The following C1GALT1 variants were observed in gnomAD, a reference collection of about 807,000 sequenced individuals.
C1GALT1 encodes the protein core 1 synthase, glycoprotein-N-acetylgalactosamine 3-beta-galactosyltransferase 1, also known as glycoprotein-N-acetylgalactosamine 3-beta-galactosyltransferase 1.
Under a neutral mutation model 31.0 loss-of-function variants are expected in C1GALT1, and 11 were observed. The ratio of observed to expected loss-of-function variants is 0.36; its 90% CI spans 0.22 to 0.59. C1GALT1 has a LOEUF of 0.59. Among genes scored for constraint, C1GALT1 ranks in the 20% least tolerant of loss-of-function variants. The pLI, the probability that C1GALT1 is intolerant of heterozygous loss-of-function variation, is 0.79. For missense variants in C1GALT1, 424 were observed against 425.2 expected (o/e 1.00, Z 0.03); for synonymous variants, 175 against 143.6 (o/e 1.22, Z -1.56).
chr7:7,241,345 A>T (rs1194884744), intron 3 of C1GALT1, among the ~76,000 whole-genome samples: 6 of 151,956 alleles, frequency 3.9e-5, no homozygotes, highest in Non-Finnish European at 8.8e-5. Context: ...TAGGATCTAA[A>T]TCTGGGATTT....
At chr7:7,206,009 T>G (rs1008774507) in intron 1 of C1GALT1, among the ~76,000 whole-genome samples, 1 of 152,240 alleles carries the variant, frequency 6.6e-6, no homozygotes, top group African/African-American at 2.4e-5. Flanking sequence ...GTGTGTATTC[T>G]ATAAGCTATT....
chr7:7,175,270 T>A (rs1332187697), intron 2 of C1GALT1, among the ~76,000 whole-genome samples: 1 of 152,210 alleles, frequency 6.6e-6, no homozygotes, highest in Non-Finnish European at 1.5e-5. Flanking sequence ...TTTGGCAGAT[T>A]TCCTCGAATG....
chr7:7,171,762 CT>C (rs1780456329), intron 2 of C1GALT1, among the ~76,000 whole-genome samples: 1 of 151,600 alleles, frequency 6.6e-6, no homozygotes, highest in African/African-American at 2.4e-5. Flanking sequence ...TAGATATTTT[CT>C]TTGTGGTTAC....
intron 1 of C1GALT1, among the ~76,000 whole-genome samples, chr7:7,210,965 T>C (rs1315117128): frequency 6.6e-6 from 1 of 152,086 alleles, no homozygotes; most frequent in Non-Finnish European, 1.5e-5. Flanking sequence ...CCTACAACAT[T>C]CCCGCCTGTG....
In C1GALT1 at chr7:7,225,782, T is replaced by C. The variant is rs553859253; in HGVS notation, c.-17-8521T>C. On this transcript the variant is annotated intron_variant, in intron 1 of 3. Transcript: ENST00000436587. ...AGAGCCCGTGGACTTTTCAATATCT[T>C]ATTTGCACCTCAAGATTTATAAATA... Among the ~76,000 whole-genome samples the C allele has an allele frequency of 2.0e-4, 30 of 152,314 alleles. No homozygotes were observed. The South Asian group carries it at 5.8e-3, about 29-fold the overall frequency.
intron 3 of C1GALT1, among the ~76,000 whole-genome samples, chr7:7,241,903 G>A (rs1181318745): frequency 6.6e-6 from 1 of 151,820 alleles, no homozygotes; most frequent in Non-Finnish European, 1.5e-5. Flanking sequence ...AAATAAATAA[G>A]AGCAATATAA....
In C1GALT1 at chr7:7,234,437, A is replaced by C. The variant is rs1161294906; in HGVS notation, c.118A>C (p.Asn40His). The change falls in exon 2 of 4, where the codon AAT becomes CAT. Residue 40 changes from asparagine to histidine, a missense_variant. By Grantham distance (68) the Asn-to-His change is moderately conservative. Coordinates refer to ENST00000436587, the MANE Select transcript of C1GALT1 (RefSeq NM_020156.5). ...LLGEKVDTQPNVLHNDPHARH... is the reference protein window; with the variant it reads ...LLGEKVDTQPHVLHNDPHARH... Reference sequence around the variant, plus strand: ...GGGAGAAAAGGTTGACACCCAGCCTAATGTTCTTCATAATGATCCTCATGC... The same window carrying C: ...GGGAGAAAAGGTTGACACCCAGCCTCATGTTCTTCATAATGATCCTCATGC... The C allele has an allele frequency of 3.7e-6, 6 of 1,613,820 alleles. No individual in the cohort carries two copies. The highest frequency in any genetic ancestry group is 3.4e-6 in the Non-Finnish European group (4 of 1,179,870).
At chr7:7,168,300 G>A (rs972723349) in intron 2 of C1GALT1, among the ~76,000 whole-genome samples, 4 of 152,202 alleles carry the variant, frequency 2.6e-5, no homozygotes, top group Admixed American at 2.6e-4. Flanking sequence ...TAGAGCAGGA[G>A]GAGACAACAC....
intron 1 of C1GALT1, among the ~76,000 whole-genome samples, chr7:7,188,750 C>T (rs1015346659): frequency 2.0e-5 from 3 of 147,852 alleles, no homozygotes; most frequent in East Asian, 4.2e-4. Context: ...TATTTCGGTA[C>T]ATTGTCTTAA....
intron 1 of C1GALT1, among the ~76,000 whole-genome samples, chr7:7,192,501 G>A (rs111442623): frequency 0.033 from 5,010 of 151,890 alleles, 188 homozygotes; most frequent in African/African-American, 0.091. Context: ...GTAGTATTCC[G>A]TGGTGTGTGT....
chr7:7,188,262 C>G (rs540990936), intron 1 of C1GALT1, among the ~76,000 whole-genome samples: 1 of 152,132 alleles, frequency 6.6e-6, no homozygotes, highest in Admixed American at 6.5e-5. Context: ...AAATAGGAAC[C>G]CATTGGTGAA....
intron 1 of C1GALT1, among the ~76,000 whole-genome samples, chr7:7,219,645 G>C (rs116389817): frequency 0.04 from 6,026 of 152,184 alleles, 217 homozygotes; most frequent in African/African-American, 0.11. Context: ...ATTACTTTTT[G>C]AGAGCTGCTC....
In C1GALT1 at chr7:7,240,360, G is replaced by T. The variant is rs530414753; in HGVS notation, c.888+1438G>T. 2.0e-5 allele frequency among the ~76,000 whole-genome samples: 3 copies of T among 152,282 alleles called. No individual in the cohort carries two copies. The South Asian group carries it at 6.2e-4, about 32-fold the overall frequency. ...TCAGAGACCCTGGCCTAGAACATCT[G>T]ACCCAAGCTTTAGGTAATCAGCTTT... On this transcript the variant is annotated intron_variant, in intron 3 of 3. Coordinates refer to ENST00000436587, the MANE Select transcript of C1GALT1 (RefSeq NM_020156.5).
At chr7:7,200,552 G>T (rs900162807) in intron 1 of C1GALT1, among the ~76,000 whole-genome samples, 18 of 152,302 alleles carry the variant, frequency 1.2e-4, no homozygotes, top group African/African-American at 4.3e-4. Flanking sequence ...TGCCTCGCTA[G>T]ATTGGGGGGG....
chr7:7,235,696 A>C (rs1057401518), intron 2 of C1GALT1, among the ~76,000 whole-genome samples: 3 of 152,148 alleles, frequency 2.0e-5, no homozygotes, highest in African/African-American at 7.2e-5. Context: ...CTCCCTTCAG[A>C]CTCAGCATGT....
At chr7:7,177,565 C>T (rs1466844585), upstream of C1GALT1, among the ~76,000 whole-genome samples, 1 of 152,148 alleles carries the variant, frequency 6.6e-6, no homozygotes, top group African/African-American at 2.4e-5. Flanking sequence ...GATAATTATG[C>T]ATTCTTTTAA....
chr7:7,187,242 A>G (rs548340589), intron 1 of C1GALT1, among the ~76,000 whole-genome samples: 4 of 149,318 alleles, frequency 2.7e-5, no homozygotes, highest in East Asian at 2.0e-4. Flanking sequence ...TCTTATCTCT[A>G]TTCTTCCTGA....
chr7:7,223,226 T>A (rs1583809634), intron 1 of C1GALT1, among the ~76,000 whole-genome samples: 1 of 152,234 alleles, frequency 6.6e-6, no homozygotes, highest in Non-Finnish European at 1.5e-5. Flanking sequence ...TGGCGCGATC[T>A]TGGCTCACTG....
intron 2 of C1GALT1, among the ~76,000 whole-genome samples, chr7:7,176,231 CAAG>C (rs758990486): frequency 6.6e-6 from 1 of 150,996 alleles, no homozygotes; most frequent in Non-Finnish European, 1.5e-5. Flanking sequence ...TGAATAGAAA[CAAG>C]AAAAGGTATC....
Sources: allele counts gnomAD v4.1 joint callset (sites outside exome capture counted in the v4.1 genomes callset), GRCh38; gene constraint gnomAD v4.1.1; transcripts MANE v1.5; gene names NCBI Gene and HGNC (gene_info 2026-07-23, HGNC 2026-07-21).